Variants in KLRG1 observed in about 807,000 individuals in gnomAD.
KLRG1 encodes the protein killer cell lectin-like receptor subfamily G member 1.
In KLRG1, 16 loss-of-function variants were observed where a neutral mutation model predicts 21.8. That is an observed-to-expected ratio of 0.73 (90% CI 0.50 to 1.11). KLRG1 has a LOEUF of 1.11. KLRG1 is among the 50% of genes most tolerant of loss of function. The probability of loss-of-function intolerance (pLI) is 0.00; values close to 1 mark genes in which losing one functional copy is unlikely to be tolerated. For synonymous variants in KLRG1, 69 were observed against 75.9 expected, an observed-to-expected ratio of 0.91 and a Z score of 0.47; for missense variants, 173 against 218.3, an observed-to-expected ratio of 0.79 and a Z score of 1.31.
At chr12:9,171,005 G>A in the KLRG1 span, among the ~76,000 whole-genome samples, 3 of 152,178 alleles carry the variant, frequency 2.0e-5, no homozygotes, top group Admixed American at 6.5e-5. Context: ...AAGCAGCCAG[G>A]CTGCTTCTTT....
chr12:9,184,967 G>T, the KLRG1 span, among the ~76,000 whole-genome samples: 1 of 152,148 alleles, frequency 6.6e-6, no homozygotes, highest in South Asian at 2.1e-4. Context: ...ACATCAGCCC[G>T]CAAAGATGAG....
At chr12:9,089,279 G>A in the KLRG1 span, 1 of 1,508,052 alleles carries the variant, frequency 6.6e-7, no homozygotes, top group Non-Finnish European at 9.1e-7. Flanking sequence ...AAAAGCTAGT[G>A]AGAATGGACT....
chr12:9,116,044 A>G, the KLRG1 span: 1 of 613,876 alleles, frequency 1.6e-6, no homozygotes, highest in Non-Finnish European at 3.0e-6. Context: ...TTGATGGCCT[A>G]TTTATAGTCA....
chr12:9,116,128 T>G, the KLRG1 span: 1 of 413,728 alleles, frequency 2.4e-6, no homozygotes, highest in Non-Finnish European at 4.6e-6. Flanking sequence ...AAGAGCTCAC[T>G]TTTACCGTAC....
the KLRG1 span, chr12:9,099,321 TG>T: frequency 5.4e-6 from 8 of 1,490,172 alleles, no homozygotes; most frequent in African/African-American, 1.1e-4. Context: ...GTAAAACAAA[TG>T]ATAACAATAG....
intron 1 of KLRG1, among the ~76,000 whole-genome samples, chr12:8,981,544 C>T (rs770518334): frequency 1.5e-4 from 22 of 151,156 alleles, no homozygotes; most frequent in Admixed American, 5.9e-4. Context: ...TTTTAATTTC[C>T]GAATATTTAG....
chr12:8,988,941 G>A (rs2137318070), upstream of KLRG1, among the ~76,000 whole-genome samples: 1 of 152,172 alleles, frequency 6.6e-6, no homozygotes, highest in South Asian at 2.1e-4. Context: ...ATGTTAGAAT[G>A]TATTTGTTTA....
At chr12:9,042,398 C>T in the KLRG1 span, among the ~76,000 whole-genome samples, 25 of 152,204 alleles carry the variant, frequency 1.6e-4, no homozygotes, top group Non-Finnish European at 5.9e-5. Flanking sequence ...AGTATGGCCT[C>T]AGGGTCAAGA....
chr12:9,115,691 A>C, the KLRG1 span: 2 of 1,126,930 alleles, frequency 1.8e-6, no homozygotes, highest in African/African-American at 1.6e-5. Flanking sequence ...AGAAAAAGGA[A>C]TGATATAAAG....
At chr12:8,973,089 G>A (rs1227171447) in intron 1 of KLRG1, among the ~76,000 whole-genome samples, 1 of 149,284 alleles carries the variant, frequency 6.7e-6, no homozygotes, top group Non-Finnish European at 1.5e-5. Context: ...AACCCAGGAG[G>A]CAGAGGTTTC....
the KLRG1 span, chr12:9,154,984 A>C: frequency 3.6e-6 from 3 of 828,380 alleles, no homozygotes; most frequent in African/African-American, 1.7e-5. Context: ...CCTAAAACTC[A>C]CTAACTCACA....
the KLRG1 span, among the ~76,000 whole-genome samples, chr12:9,038,685 G>T: frequency 2.0e-4 from 30 of 152,202 alleles, 1 homozygote; most frequent in South Asian, 5.2e-3. Context: ...CATCTTTGAG[G>T]CTGGAGGGCT....
chr12:9,159,436 C>A, the KLRG1 span, among the ~76,000 whole-genome samples: 1 of 151,884 alleles, frequency 6.6e-6, no homozygotes. Context: ...ATTGTTTCTC[C>A]ACCAAAACTC....
chr12:9,195,470 A>G, the KLRG1 span, among the ~76,000 whole-genome samples: 2 of 147,484 alleles, frequency 1.4e-5, no homozygotes, highest in Admixed American at 6.8e-5. Context: ...TTCTTTCACA[A>G]CTGGTCTCTG....
chr12:8,953,680 G>A (rs190428692), intron 1 of KLRG1, among the ~76,000 whole-genome samples: 59 of 152,234 alleles, frequency 3.9e-4, no homozygotes, highest in African/African-American at 1.3e-3. Context: ...GAAGTGATAC[G>A]TTTTTATATC....
chr12:9,109,290 C>T, the KLRG1 span: 1 of 1,537,804 alleles, frequency 6.5e-7, no homozygotes, highest in Non-Finnish European at 9.0e-7. Context: ...TAAATAATCC[C>T]CCACAAAAGA....
intron 1 of KLRG1, among the ~76,000 whole-genome samples, chr12:8,956,978 C>T (rs973265844): frequency 1.3e-5 from 2 of 152,186 alleles, no homozygotes; most frequent in Non-Finnish European, 2.9e-5. Flanking sequence ...GAGCCAAGCA[C>T]AGCCTGCCAA....
the KLRG1 span, chr12:9,104,261 A>T: frequency 6.2e-7 from 1 of 1,612,748 alleles, no homozygotes; most frequent in South Asian, 1.1e-5. Context: ...AGAGGTACCC[A>T]TAACATTGGT....
the KLRG1 span, among the ~76,000 whole-genome samples, chr12:9,161,651 T>G: frequency 2.2e-4 from 34 of 152,340 alleles, no homozygotes; most frequent in Non-Finnish European, 4.3e-4. Flanking sequence ...TTACACTATA[T>G]TTGAATGGAT....
Sources: allele counts gnomAD v4.1 joint callset (sites outside exome capture counted in the v4.1 genomes callset), GRCh38; gene constraint gnomAD v4.1.1; transcripts MANE v1.5; gene names NCBI Gene and HGNC (gene_info 2026-07-23, HGNC 2026-07-21).